MSH3: variants seen among roughly 807,000 people sequenced by gnomAD.
MSH3 encodes the protein DNA mismatch repair protein Msh3.
MSH3 carries 106 observed loss-of-function variants against 123.3 expected under a neutral mutation model. That is an observed-to-expected ratio of 0.86 (90% CI 0.73 to 1.01). The LOEUF is 1.01. MSH3 is among the 50% of genes least tolerant of loss of function. MSH3 has a pLI of 0.00. For synonymous variants in MSH3, 515 were observed against 481.4 expected (o/e 1.07, Z -0.91); for missense variants, 1,459 against 1,347.6 (o/e 1.08, Z -1.29).
intron 19 of MSH3, among the ~76,000 whole-genome samples, chr5:80,795,423 G>A (rs6879843): frequency 0.11 from 16,712 of 152,032 alleles, 1,287 homozygotes; most frequent in East Asian, 0.32. Flanking sequence ...AGCAGATTCA[G>A]TTTCTGGTGA....
chr5:80,728,938 A>G lies in MSH3; in HGVS notation c.1541A>G (p.Asn514Ser), dbSNP rs1286323562. 1.2e-6 allele frequency: 2 copies of G among 1,609,114 alleles called. No homozygotes were observed. The highest frequency in any genetic ancestry group is 1.7e-6 in the Non-Finnish European group (2 of 1,175,718). The change falls in exon 10 of 24, where the codon AAC becomes AGC. Residue 514 changes from asparagine (N) to serine (S), a missense_variant. Transcript: ENST00000265081. ...AAIIKYLKEF[N>S]LEKMLSKPEN... ...ATCATAAAATACCTCAAAGAATTCA[A>G]CTTGGAAAAGATGCTCTCCAAACCT...
intron 8 of MSH3, among the ~76,000 whole-genome samples, chr5:80,705,301 T>C (rs1048376759): frequency 3.3e-5 from 5 of 152,232 alleles, no homozygotes; most frequent in African/African-American, 1.2e-4. Context: ...TGGGATTACA[T>C]GTGGATTTTA....
At chr5:80,819,180 A>G (rs949525004) in intron 20 of MSH3, among the ~76,000 whole-genome samples, 3 of 152,056 alleles carry the variant, frequency 2.0e-5, no homozygotes, top group African/African-American at 7.2e-5. Context: ...GAGTTATGCA[A>G]TAAGAAGGCC....
intron 18 of MSH3, among the ~76,000 whole-genome samples, chr5:80,788,788 G>A (rs1308368597): frequency 6.8e-6 from 1 of 147,636 alleles, no homozygotes; most frequent in African/African-American, 2.5e-5. Context: ...GGGTGACAGA[G>A]CAAGAGCCTG....
intron 8 of MSH3, among the ~76,000 whole-genome samples, chr5:80,709,418 C>T (rs1385892279): frequency 4.6e-5 from 7 of 152,106 alleles, no homozygotes; most frequent in South Asian, 2.1e-4. Flanking sequence ...GTCAGGAGAT[C>T]GAGACCATCC....
intron 2 of MSH3, among the ~76,000 whole-genome samples, chr5:80,657,372 C>T (rs374676315): frequency 6.6e-6 from 1 of 151,964 alleles, no homozygotes; most frequent in Non-Finnish European, 1.5e-5. Context: ...GCCCAGGAGG[C>T]GGAGGTTGCA....
intron 23 of MSH3, among the ~76,000 whole-genome samples, chr5:80,873,673 A>G (rs1403663559): frequency 6.6e-6 from 1 of 152,198 alleles, no homozygotes; most frequent in South Asian, 2.1e-4. Context: ...CAGAAATTCT[A>G]TCAGAGCATT....
chr5:80,663,410 T>C (rs1008783936), intron 2 of MSH3, among the ~76,000 whole-genome samples: 3 of 152,176 alleles, frequency 2.0e-5, no homozygotes, highest in African/African-American at 7.2e-5. Context: ...CTCTCAGTGC[T>C]TTTTCCCCTG....
chr5:80,777,158 G>A (rs1292737024), intron 16 of MSH3, among the ~76,000 whole-genome samples: 1 of 151,892 alleles, frequency 6.6e-6, no homozygotes, highest in African/African-American at 2.4e-5. Flanking sequence ...TCGAACTCAA[G>A]TGATCCACCT....
Position 80,859,522 on chromosome 5 carries a change from A to ATTTTTG in MSH3, c.3000+5206_3000+5207insTTTTTG, listed in dbSNP as rs1745974759. Among the ~76,000 whole-genome samples, 10 of 152,234 alleles carry ATTTTTG rather than the reference A, an allele frequency of 6.6e-5. 1 individual carries two copies. In the South Asian group the frequency reaches 1.2e-3, roughly 19 times the overall value. On this transcript the variant is annotated intron_variant, in intron 21 of 23. Coordinates refer to ENST00000265081, the MANE Select transcript of MSH3 (RefSeq NM_002439.5). ...GTCTTATTTTTTGATCCACTCTGATAATCTGTCTTTTAACTGGTGCATTTA... is the reference window on the plus strand; with the variant it reads ...GTCTTATTTTTTGATCCACTCTGATATTTTTGATCTGTCTTTTAACTGGTGCATTTA...
chr5:80,660,202 T>C (rs1185956119), intron 2 of MSH3, among the ~76,000 whole-genome samples: 1 of 152,074 alleles, frequency 6.6e-6, no homozygotes, highest in East Asian at 1.9e-4. Context: ...TCTTTTTTTT[T>C]TTTTTCTTAA....
intron 22 of MSH3, among the ~76,000 whole-genome samples, chr5:80,867,354 A>T (rs944295912): frequency 6.6e-6 from 1 of 152,214 alleles, no homozygotes; most frequent in Non-Finnish European, 1.5e-5. Context: ...AAGAAGAGAC[A>T]AGCATTTCCT....
At chr5:80,741,616 T>G in intron 11 of MSH3, 68 bp downstream of exon 11, 1 of 1,126,022 alleles carries the variant, frequency 8.9e-7, no homozygotes, top group Non-Finnish European at 1.4e-6. Context: ...AAGGCAGCAG[T>G]CTGTTTTTAG....
chr5:80,797,248 T>C (rs1744714333), intron 19 of MSH3, among the ~76,000 whole-genome samples: 1 of 152,176 alleles, frequency 6.6e-6, no homozygotes. Flanking sequence ...ATTATAATCA[T>C]TCTTTTTTTA....
At chr5:80,837,741 C>T (rs1482254146) in intron 20 of MSH3, among the ~76,000 whole-genome samples, 1 of 152,164 alleles carries the variant, frequency 6.6e-6, no homozygotes, top group Non-Finnish European at 1.5e-5. Context: ...GCTTGAGCAA[C>T]ACACATTTAT....
chr5:80,671,002 A>T (rs1221558123), intron 4 of MSH3, among the ~76,000 whole-genome samples: 1 of 152,110 alleles, frequency 6.6e-6, no homozygotes, highest in Non-Finnish European at 1.5e-5. Flanking sequence ...GCATGCCTTT[A>T]GTCCCAGCTC....
chr5:80,835,259 G>C (rs763002098), intron 20 of MSH3, among the ~76,000 whole-genome samples: 2 of 152,180 alleles, frequency 1.3e-5, no homozygotes, highest in Non-Finnish European at 2.9e-5. Context: ...CCATCCCGTA[G>C]GAAAAGTTTG....
intron 20 of MSH3, among the ~76,000 whole-genome samples, chr5:80,838,951 G>A (rs1035539512): frequency 4.9e-4 from 74 of 152,134 alleles, no homozygotes; most frequent in African/African-American, 1.8e-3. Flanking sequence ...CCAAGAAATA[G>A]ATACATAGAA....
chr5:80,762,993 C>T (rs1196778274), intron 13 of MSH3, among the ~76,000 whole-genome samples: 2 of 151,686 alleles, frequency 1.3e-5, no homozygotes, highest in Non-Finnish European at 2.9e-5. Context: ...GTTACAGGCA[C>T]CCGCCACTAT....
Sources: allele counts gnomAD v4.1 joint callset (sites outside exome capture counted in the v4.1 genomes callset), GRCh38; gene constraint gnomAD v4.1.1; transcripts MANE v1.5; gene names NCBI Gene and HGNC (gene_info 2026-07-23, HGNC 2026-07-21).